Variants in ABLIM2 observed in about 807,000 individuals in gnomAD.
ABLIM2 encodes actin-binding LIM protein 2.
Under a neutral mutation model 97.7 loss-of-function variants are expected in ABLIM2, and 53 were observed. That is an observed-to-expected ratio of 0.54 (90% CI 0.44 to 0.68). ABLIM2 has a LOEUF of 0.68. ABLIM2 is among the 30% of genes least tolerant of loss of function. The probability of loss-of-function intolerance (pLI) is 0.00; values close to 1 mark genes in which losing one functional copy is unlikely to be tolerated. For missense variants in ABLIM2, 835 were observed against 867.2 expected, an observed-to-expected ratio of 0.96 and a Z score of 0.47; for synonymous variants, 361 against 345.8, an observed-to-expected ratio of 1.04 and a Z score of -0.49.
intron 7 of ABLIM2, among the ~76,000 whole-genome samples, chr4:8,056,715 G>A (rs1299551589): frequency 2.0e-5 from 3 of 151,830 alleles, no homozygotes; most frequent in African/African-American, 4.8e-5. Context: ...GGCGGATCAC[G>A]AGGTCAGGAG....
chr4:8,012,804 C>T (rs1247988661), intron 14 of ABLIM2, among the ~76,000 whole-genome samples: 1 of 152,204 alleles, frequency 6.6e-6, no homozygotes, highest in Non-Finnish European at 1.5e-5. Context: ...ACCCACTCAT[C>T]CACCCATCCA....
intron 1 of ABLIM2, among the ~76,000 whole-genome samples, chr4:8,110,266 C>G (rs1014398515): frequency 6.6e-6 from 1 of 152,190 alleles, no homozygotes; most frequent in South Asian, 2.1e-4. Context: ...CTTCATGATC[C>G]GACAAGGGAG....
At chr4:7,974,491 C>T (rs1317363423) in intron 20 of ABLIM2, among the ~76,000 whole-genome samples, 2 of 144,910 alleles carry the variant, frequency 1.4e-5, no homozygotes, top group African/African-American at 5.0e-5. Context: ...ACTCATGTAT[C>T]TATCCACCCA....
intron 3 of ABLIM2, among the ~76,000 whole-genome samples, chr4:8,091,064 G>A: frequency 6.6e-6 from 1 of 150,838 alleles, no homozygotes. Context: ...GGTTTCCATG[G>A]CCGTTGTGCC....
chr4:8,011,661 C>T (rs183154466), intron 14 of ABLIM2, among the ~76,000 whole-genome samples: 47 of 152,324 alleles, frequency 3.1e-4, no homozygotes, highest in African/African-American at 1.1e-3. Flanking sequence ...TTTGGGATGT[C>T]AGAAAAAGAT....
rs1467051742 is a variant in ABLIM2 at position 8,148,595 on chromosome 4, A to C, written c.10+10085T>G. 8.2e-6 allele frequency among the ~76,000 whole-genome samples: 1 copy of C among 122,324 alleles called. No individual in the cohort carries two copies. The highest frequency in any genetic ancestry group is 1.7e-5 in the Non-Finnish European group (1 of 57,170). 80.2% of individuals were successfully genotyped at this position (122,324 alleles called of 152,430 possible). A position where few individuals can be genotyped will look rare whatever the true frequency, so the allele number is the denominator to read the frequency against. ...TCTGATGTAAGGATTATAGGGTGAAAGCACATCGCGGTGCTGGGTCCACAC... is the reference window on the plus strand; with the variant it reads ...TCTGATGTAAGGATTATAGGGTGAACGCACATCGCGGTGCTGGGTCCACAC... On this transcript the variant is annotated intron_variant, in intron 1 of 20. Transcript: ENST00000447017. The surrounding 1 kb of genome is among the most constrained non-coding windows in gnomAD (Gnocchi z 6.7).
Position 8,075,047 on chromosome 4 carries a change from G to A in ABLIM2, c.675+2581C>T, listed in dbSNP as rs2152383412. 1.3e-5 allele frequency among the ~76,000 whole-genome samples: 2 copies of A among 152,266 alleles called. No homozygotes were observed. Among genetic ancestry groups the A allele is most frequent in the Non-Finnish European group, 2.9e-5 (2 of 68,012 alleles). ...GATCCGCCTGCCTCAGCCTCCCAAA[G>A]TGCTGGGATTACAGGCATGAGCCAC... On this transcript the variant is annotated intron_variant, in intron 6 of 20. Transcript: ENST00000447017. This position sits in a 1 kb window ranked among gnomAD's most constrained non-coding sequence, Gnocchi z 4.4.
chr4:7,966,866 CTCCCG>C lies in ABLIM2; in HGVS notation c.*119_*123del. On this transcript the variant is annotated 3_prime_UTR_variant, in exon 21 of 21. Transcript: ENST00000447017. ...GGGGCCGCACCTGCTGGGGGACCCC[CTCCCG>C]CCCACCCCATGGACACAGAGAAGCC... 2 of 203,662 alleles carry C rather than the reference CTCCCG, an allele frequency of 9.8e-6. No homozygotes were observed. The highest frequency in any genetic ancestry group is 7.1e-5 in the South Asian group (1 of 14,002). 12.6% of individuals were successfully genotyped at this position (203,662 alleles called of 1,614,324 possible).
At chr4:8,116,053 CTT>C (rs1416320654) in intron 1 of ABLIM2, among the ~76,000 whole-genome samples, 3 of 152,242 alleles carry the variant, frequency 2.0e-5, no homozygotes, top group Non-Finnish European at 4.4e-5. Context: ...GCTCCCAGCT[CTT>C]GAGTCACTCT....
intron 7 of ABLIM2, among the ~76,000 whole-genome samples, chr4:8,057,461 A>G (rs1395159977): frequency 6.6e-6 from 1 of 152,232 alleles, no homozygotes; most frequent in African/African-American, 2.4e-5. Context: ...CAACTGGCAC[A>G]TACTTCCTAG....
intron 8 of ABLIM2, among the ~76,000 whole-genome samples, chr4:8,050,585 G>A (rs559926980): frequency 4.6e-5 from 7 of 152,304 alleles, no homozygotes; most frequent in Admixed American, 3.3e-4. Context: ...CCTGGGTGTC[G>A]GGTTTCCAAA....
In ABLIM2 at chr4:8,132,055, C is replaced by G. The variant is rs1849517348; in HGVS notation, c.11-25418G>C. ...GCATCCCCGAGCACAGCTGTGCCGGCCGAGCTCAGGCCTCGGGGTGCCTGG... is the reference window on the plus strand; with the variant it reads ...GCATCCCCGAGCACAGCTGTGCCGGGCGAGCTCAGGCCTCGGGGTGCCTGG... On this transcript the variant is annotated intron_variant, in intron 1 of 20. Coordinates refer to ENST00000447017, the MANE Select transcript of ABLIM2 (RefSeq NM_001130083.2). This position sits in a 1 kb window ranked among gnomAD's most constrained non-coding sequence, Gnocchi z 8.0. Among the ~76,000 whole-genome samples the G allele has an allele frequency of 6.6e-6, 1 of 152,206 alleles. No homozygotes were observed. Among genetic ancestry groups the G allele is most frequent in the Non-Finnish European group, 1.5e-5 (1 of 68,044 alleles).
At chr4:7,978,259 A>G (rs185910835) in intron 20 of ABLIM2, among the ~76,000 whole-genome samples, 7 of 152,296 alleles carry the variant, frequency 4.6e-5, no homozygotes, top group Admixed American at 4.6e-4. Context: ...CCCCATATGT[A>G]GTAACATTTC....
chr4:8,131,426 T>C (rs1000709717), intron 1 of ABLIM2, among the ~76,000 whole-genome samples: 1 of 152,186 alleles, frequency 6.6e-6, no homozygotes, highest in Non-Finnish European at 1.5e-5. Flanking sequence ...GAAAATTATA[T>C]CCTAACCTCT....
rs1184639624 is a variant in ABLIM2 at position 8,132,320 on chromosome 4, G to C, written c.11-25683C>G. Reference sequence around the variant, plus strand: ...ACTCACATCTTCATTTCTGAATGCTGCTTAAAAGCTGAGAAGTAATGAGAT... The same window carrying C: ...ACTCACATCTTCATTTCTGAATGCTCCTTAAAAGCTGAGAAGTAATGAGAT... On this transcript the variant is annotated intron_variant, in intron 1 of 20. Transcript: ENST00000447017. This position sits in a 1 kb window ranked among gnomAD's most constrained non-coding sequence, Gnocchi z 8.0. Among the ~76,000 whole-genome samples the C allele has an allele frequency of 6.6e-6, 1 of 152,168 alleles. No homozygotes were observed. Among genetic ancestry groups the C allele is most frequent in the Non-Finnish European group, 1.5e-5 (1 of 68,024 alleles).
chr4:7,992,879 C>T lies in ABLIM2; in HGVS notation c.1667G>A (p.Gly556Asp). The T allele has an allele frequency of 1.2e-6, 2 of 1,612,920 alleles. No individual in the cohort carries two copies. Among genetic ancestry groups the T allele is most frequent in the South Asian group, 1.1e-5 (1 of 90,708 alleles). Residue 556 changes from glycine to aspartate, a missense_variant, in exon 17 of 21, where the codon GGC (glycine) becomes GAC (aspartate). Gly to Asp is a moderately conservative substitution (Grantham distance 94, BLOSUM62 -1). Transcript: ENST00000447017. This position sits in a 1 kb window ranked among gnomAD's most constrained non-coding sequence, Gnocchi z 5.7. ...GTCAGTACCTACCCGCTGGTCCAAG[C>T]CATTCTTTCCATGTCCTGGGAGAGG... ...SDPLPGHGKN[G>D]LDQRNANLAP...
chr4:8,144,406 G>C (rs1207461653), intron 1 of ABLIM2, among the ~76,000 whole-genome samples: 1 of 152,220 alleles, frequency 6.6e-6, no homozygotes, highest in East Asian at 1.9e-4. Flanking sequence ...CCGCCGCTGG[G>C]GGACTTGTTC....
Position 8,072,766 on chromosome 4 carries a change from G to T in ABLIM2, c.675+4862C>A, listed in dbSNP as rs1389317420. Among the ~76,000 whole-genome samples, 12 of 152,178 alleles carry T rather than the reference G, an allele frequency of 7.9e-5. No homozygotes were observed. Among genetic ancestry groups the T allele is most frequent in the Admixed American group, 7.9e-4 (12 of 15,278 alleles). On this transcript the variant is annotated intron_variant, in intron 6 of 20. Transcript: ENST00000447017. This position sits in a 1 kb window ranked among gnomAD's most constrained non-coding sequence, Gnocchi z 5.8. ...TGTATGTGGCGGAGGGAGAGTGCCT[G>T]CATGTGGTGTTGGCCTGGCTGAGCA...
At chr4:8,055,013 A>G (rs1305596006) in intron 7 of ABLIM2, among the ~76,000 whole-genome samples, 1 of 151,430 alleles carries the variant, frequency 6.6e-6, no homozygotes, top group Non-Finnish European at 1.5e-5. Context: ...GGTCTCTACT[A>G]ATTCAACCTC....
Sources: allele counts gnomAD v4.1 joint callset (sites outside exome capture counted in the v4.1 genomes callset), GRCh38; gene constraint gnomAD v4.1.1; non-coding constraint Gnocchi (gnomAD v3.1); transcripts MANE v1.5; gene names NCBI Gene and HGNC (gene_info 2026-07-23, HGNC 2026-07-21).